Variants in TENM3 observed in about 807,000 individuals in gnomAD.
TENM3 encodes teneurin transmembrane protein 3.
Under a neutral mutation model 255.1 loss-of-function variants are expected in TENM3, and 63 were observed. That is an observed-to-expected ratio of 0.25 (90% CI 0.20 to 0.30). The LOEUF is 0.30. TENM3 is among the 10% of genes least tolerant of loss of function. TENM3 has a pLI of 1.00. For missense variants in TENM3, 2,929 were observed against 3,461.1 expected (o/e 0.85, Z 3.86); for synonymous variants, 1,306 against 1,322.3 (o/e 0.99, Z 0.27).
chr4:182,772,902 T>G (rs1250025429), intron 22 of TENM3, among the ~76,000 whole-genome samples: 1 of 152,218 alleles, frequency 6.6e-6, no homozygotes, highest in Non-Finnish European at 1.5e-5. Context: ...CTGCCAGCAT[T>G]CAAGCTCTAA....
the TENM3 span, among the ~76,000 whole-genome samples, chr4:182,076,780 T>C: frequency 1.3e-5 from 2 of 152,156 alleles, no homozygotes; most frequent in African/African-American, 4.8e-5. Context: ...CTGTGATCTC[T>C]GTGGCAACTA....
At chr4:181,636,099 G>A in the TENM3 span, among the ~76,000 whole-genome samples, 1 of 152,112 alleles carries the variant, frequency 6.6e-6, no homozygotes, top group African/African-American at 2.4e-5. Context: ...AGGCTGGAGT[G>A]CAATGATGTG....
chr4:182,217,009 CTTTTTTTTTTTTTTTTT>C (rs3071526), intron 1 of TENM3, among the ~76,000 whole-genome samples: 1 of 67,508 alleles, frequency 1.5e-5, no homozygotes, highest in African/African-American at 5.5e-5. Flanking sequence ...CATTTTCTTT[CTTTTTTTTTTTTTTTTT>C]TTTTTTTTTT....
the TENM3 span, among the ~76,000 whole-genome samples, chr4:181,894,628 C>T: frequency 6.6e-6 from 1 of 151,436 alleles, no homozygotes; most frequent in Admixed American, 6.6e-5. Context: ...GGTCAGAATC[C>T]TTAATCCAAA....
the TENM3 span, among the ~76,000 whole-genome samples, chr4:181,502,162 T>G: frequency 6.6e-6 from 1 of 152,208 alleles, no homozygotes; most frequent in Non-Finnish European, 1.5e-5. Flanking sequence ...GCAACGAAAC[T>G]CTTCTATGTG....
In TENM3 at chr4:182,770,104, CG is replaced by C. The variant is rs1422588200; in HGVS notation, c.4893-3367del. Among the ~76,000 whole-genome samples the C allele has an allele frequency of 5.3e-3, 588 of 111,242 alleles. 8 individuals are homozygous for C. The highest frequency in any genetic ancestry group is 0.018 in the African/African-American group (547 of 30,050). The allele number at this position is 111,242 out of a possible 152,430, so 73.0% of individuals were successfully genotyped here. ...CTGGGCGACAGAGTGAGACTTGTCTCGAAAAAAAAAAAAAAAAACAGTTCTT... is the reference window on the plus strand; with the variant it reads ...CTGGGCGACAGAGTGAGACTTGTCTCAAAAAAAAAAAAAAAAACAGTTCTT... On this transcript the variant is annotated intron_variant, in intron 22 of 27. Transcript: ENST00000511685.
the TENM3 span, among the ~76,000 whole-genome samples, chr4:181,636,319 A>G: frequency 6.6e-6 from 1 of 152,206 alleles, no homozygotes; most frequent in African/African-American, 2.4e-5. Flanking sequence ...TTGGGATTAC[A>G]GGTGTGAGCC....
chr4:181,804,378 T>C, the TENM3 span, among the ~76,000 whole-genome samples: 1 of 152,162 alleles, frequency 6.6e-6, no homozygotes, highest in African/African-American at 2.4e-5. Flanking sequence ...GCAGATAAAA[T>C]ATAAAATCTG....
At chr4:182,637,146 C>G (rs920929194) in intron 5 of TENM3, among the ~76,000 whole-genome samples, 4 of 152,026 alleles carry the variant, frequency 2.6e-5, no homozygotes, top group African/African-American at 9.7e-5. Context: ...ACTTGAATTA[C>G]TAGGAATTTT....
rs924516484 is a variant in TENM3, at chr4:182,524,896, G to A, written c.512-76028G>A. Among the ~76,000 whole-genome samples the A allele has an allele frequency of 9.9e-5, 15 of 151,756 alleles. 1 individual carries two copies. Among genetic ancestry groups the A allele is most frequent in the Non-Finnish European group, 1.8e-4 (12 of 67,944 alleles). ...TTAAACTACCTGGGCCTGGTGGCGC[G>A]CACCTGTGGTACGGTCCCAGCTACA... On this transcript the variant is annotated intron_variant, in intron 3 of 27. Coordinates refer to ENST00000511685, the MANE Select transcript of TENM3 (RefSeq NM_001080477.4).
intron 1 of TENM3, among the ~76,000 whole-genome samples, chr4:182,281,253 C>T (rs1200399099): frequency 6.6e-6 from 1 of 152,110 alleles, no homozygotes; most frequent in Non-Finnish European, 1.5e-5. Flanking sequence ...ATATTTAATA[C>T]TATAATAGCA....
the TENM3 span, among the ~76,000 whole-genome samples, chr4:181,526,076 C>CT: frequency 3.9e-5 from 6 of 152,282 alleles, no homozygotes; most frequent in African/African-American, 1.4e-4. Context: ...CAGTATGACT[C>CT]TAACAATTTC....
At chr4:182,172,796 T>C (rs768433442) in intron 1 of TENM3, among the ~76,000 whole-genome samples, 4 of 152,214 alleles carry the variant, frequency 2.6e-5, no homozygotes, top group Non-Finnish European at 5.9e-5. Context: ...CCCAGAAACA[T>C]TTACCAGGGT....
chr4:182,413,244 A>AG (rs72234044), intron 3 of TENM3, among the ~76,000 whole-genome samples: 10 of 152,296 alleles, frequency 6.6e-5, no homozygotes, highest in African/African-American at 1.9e-4. Flanking sequence ...GGAAAAAAAA[A>AG]GACACTTTTG....
chr4:182,021,226 G>A, the TENM3 span, among the ~76,000 whole-genome samples: 10 of 152,182 alleles, frequency 6.6e-5, no homozygotes, highest in Non-Finnish European at 8.8e-5. Flanking sequence ...CCATGTGGCT[G>A]TAAAGGACAT....
At chr4:181,507,268 C>T in the TENM3 span, among the ~76,000 whole-genome samples, 1 of 152,170 alleles carries the variant, frequency 6.6e-6, no homozygotes, top group Non-Finnish European at 1.5e-5. Context: ...AAGCTAACAT[C>T]AACAATTCTC....
chr4:182,240,637 G>A (rs779299392), upstream of TENM3, among the ~76,000 whole-genome samples: 16 of 152,250 alleles, frequency 1.1e-4, no homozygotes, highest in Middle Eastern at 6.8e-3. Flanking sequence ...TCAGAGCCTG[G>A]CAATTCTCCC....
Position 182,592,128 on chromosome 4 carries a change from C to CTTT in TENM3, c.512-8781_512-8779dup, listed in dbSNP as rs77448760. Among the ~76,000 whole-genome samples, 117 of 137,644 alleles carry CTTT rather than the reference C, an allele frequency of 8.5e-4. 2 individuals are homozygous for CTTT. The East Asian group carries it at 0.019, about 22-fold the overall frequency. 90.3% of individuals were successfully genotyped at this position (137,644 alleles called of 152,430 possible). Reference sequence around the variant, plus strand: ...TTTATAATACCACCTTTCTTTTCTTCTTTTTTTTTTTTTTTTTACATCTGC... The same window carrying CTTT: ...TTTATAATACCACCTTTCTTTTCTTCTTTTTTTTTTTTTTTTTTTTACATCTGC... On this transcript the variant is annotated intron_variant, in intron 3 of 27. Transcript: ENST00000511685.
intron 4 of TENM3, among the ~76,000 whole-genome samples, chr4:182,622,588 C>G (rs1011118922): frequency 2.6e-5 from 4 of 152,190 alleles, no homozygotes; most frequent in Admixed American, 2.6e-4. Context: ...CGTGGAGAAA[C>G]AGCATACTTT....
Sources: gnomAD v4.1 joint callset for allele counts (sites outside exome capture counted in the v4.1 genomes callset) on GRCh38, gnomAD v4.1.1 for gene constraint, MANE v1.5 for transcripts, NCBI Gene and HGNC (gene_info 2026-07-23, HGNC 2026-07-21) for gene names.